DTWD2: variants seen among roughly 807,000 people sequenced by gnomAD.
DTWD2 encodes the protein DTW motif tRNA-uridine aminocarboxypropyltransferase 2.
Under a neutral mutation model 31.8 loss-of-function variants are expected in DTWD2, and 39 were observed. That is an observed-to-expected ratio of 1.22 (90% confidence interval 0.95 to 1.60). DTWD2 has a LOEUF of 1.60. Among genes scored for constraint, DTWD2 ranks in the 40% most tolerant of loss-of-function variants. The pLI is 0.00. For missense variants in DTWD2, 515 were observed against 381.5 expected, an observed-to-expected ratio of 1.35 and a Z score of -2.92; for synonymous variants, 180 against 142.8, an observed-to-expected ratio of 1.26 and a Z score of -1.86.
At chr5:118,853,069 G>T (rs1752047914) in intron 4 of DTWD2, among the ~76,000 whole-genome samples, 1 of 152,134 alleles carries the variant, frequency 6.6e-6, no homozygotes, top group South Asian at 2.1e-4. Context: ...AGAGAGAGGA[G>T]AGAGGAAGTG....
At chr5:118,872,506 A>G (rs1752528166) in intron 4 of DTWD2, among the ~76,000 whole-genome samples, 1 of 152,210 alleles carries the variant, frequency 6.6e-6, no homozygotes, top group African/African-American at 2.4e-5. Flanking sequence ...AAATTGTTGT[A>G]TCTCAGAAAA....
intron 4 of DTWD2, among the ~76,000 whole-genome samples, chr5:118,907,223 C>T (rs1753352792): frequency 1.3e-5 from 2 of 152,222 alleles, no homozygotes; most frequent in African/African-American, 4.8e-5. Context: ...CATTAACTAG[C>T]TGACCCTAAT....
chr5:118,939,308 A>G lies in DTWD2; in HGVS notation c.310-18T>C. On this transcript the variant is annotated intron_variant, in intron 2 of 5. Coordinates refer to ENST00000510708, the MANE Select transcript of DTWD2 (RefSeq NM_173666.4). ...TTGTTTTCCTTTAATTAAAAAATGA[A>G]TTGAAACATAGATTTTTACTTAGAT... The G allele has an allele frequency of 4.5e-6, 7 of 1,543,152 alleles. No individual in the cohort carries two copies. Among genetic ancestry groups the G allele is most frequent in the Non-Finnish European group, 6.1e-6 (7 of 1,143,816 alleles).
chr5:118,924,609 T>C (rs1484680331), intron 4 of DTWD2, among the ~76,000 whole-genome samples: 1 of 152,200 alleles, frequency 6.6e-6, no homozygotes, highest in East Asian at 1.9e-4. Flanking sequence ...ATACTAAAAA[T>C]GTGAACAGGC....
chr5:118,944,598 A>T lies in DTWD2; in HGVS notation c.270T>A (p.His90Gln). The T allele has an allele frequency of 6.2e-7, 1 of 1,613,664 alleles. No individual in the cohort carries two copies. The highest frequency in any genetic ancestry group is 2.2e-5 in the East Asian group (1 of 44,792). The change falls in exon 2 of 6, where the codon CAT (histidine) becomes CAA (glutamine). Residue 90 changes from histidine to glutamine, a missense_variant. By Grantham distance (24) the His-to-Gln change is conservative (BLOSUM62 0). Coordinates refer to ENST00000510708, the MANE Select transcript of DTWD2 (RefSeq NM_173666.4). Reference sequence around the variant, plus strand: ...GAATTATGTACAAGTGGGTAGAGATATGCAGAGGGTGCGCTGGGAGAAATG... The same window carrying T: ...GAATTATGTACAAGTGGGTAGAGATTTGCAGAGGGTGCGCTGGGAGAAATG... ...LCPFLPAHPLHISTHLYIIQH... is the reference protein window; with the variant it reads ...LCPFLPAHPLQISTHLYIIQH...
intron 2 of DTWD2, among the ~76,000 whole-genome samples, chr5:118,940,564 G>A (rs1218204374): frequency 1.3e-5 from 2 of 151,840 alleles, no homozygotes; most frequent in Non-Finnish European, 2.9e-5. Context: ...TTGATTTATC[G>A]ATTTTAGATA....
chr5:118,907,348 G>C (rs767935), intron 4 of DTWD2, among the ~76,000 whole-genome samples: 4 of 151,814 alleles, frequency 2.6e-5, no homozygotes, highest in African/African-American at 7.3e-5. Flanking sequence ...GATATATATA[G>C]AGAGAGAGAG....
At chr5:118,893,496 T>C (rs1561444806) in intron 4 of DTWD2, among the ~76,000 whole-genome samples, 1 of 151,594 alleles carries the variant, frequency 6.6e-6, no homozygotes. Context: ...CCATAGAGGA[T>C]ATGTGGAAAT....
Position 118,955,204 on chromosome 5 carries a change from T to C in DTWD2, c.219-10555A>G, listed in dbSNP as rs117370532. 1.6e-4 allele frequency among the ~76,000 whole-genome samples: 24 copies of C among 152,362 alleles called. No individual in the cohort carries two copies. The East Asian group carries it at 4.4e-3, about 28-fold the overall frequency. ...TTTCTATTTACTTTAAAGCATATTC[T>C]CTTTATTAACCTAATTTTACTTATA... On this transcript the variant is annotated intron_variant, in intron 1 of 5. Coordinates refer to ENST00000510708, the MANE Select transcript of DTWD2 (RefSeq NM_173666.4).
chr5:118,933,125 G>A (rs918283323), intron 3 of DTWD2, among the ~76,000 whole-genome samples: 3 of 151,972 alleles, frequency 2.0e-5, no homozygotes, highest in Non-Finnish European at 4.4e-5. Context: ...GGAGAAATAC[G>A]AAAACTGAAA....
intron 1 of DTWD2, among the ~76,000 whole-genome samples, chr5:118,965,975 GAA>G (rs955663912): frequency 7.0e-6 from 1 of 142,288 alleles, no homozygotes; most frequent in Non-Finnish European, 1.5e-5. Flanking sequence ...AAAAGAAAAA[GAA>G]AAAAAAAAAG....
intron 4 of DTWD2, among the ~76,000 whole-genome samples, chr5:118,909,725 G>A (rs908631991): frequency 2.0e-5 from 3 of 152,162 alleles, no homozygotes; most frequent in African/African-American, 7.2e-5. Flanking sequence ...CAGCTACCAA[G>A]GACCTCCCAC....
intron 1 of DTWD2, among the ~76,000 whole-genome samples, chr5:118,954,774 G>C (rs1754548205): frequency 6.6e-6 from 1 of 152,034 alleles, no homozygotes. Flanking sequence ...ACCTGCTTCG[G>C]CCTCCCAAAG....
At chr5:118,889,601 G>C (rs1195744416) in intron 4 of DTWD2, among the ~76,000 whole-genome samples, 1 of 152,114 alleles carries the variant, frequency 6.6e-6, no homozygotes, top group Non-Finnish European at 1.5e-5. Context: ...TATATAGGTT[G>C]TCTCTAAGAA....
intron 1 of DTWD2, among the ~76,000 whole-genome samples, chr5:118,958,576 C>A (rs530313528): frequency 2.4e-5 from 3 of 126,476 alleles, no homozygotes; most frequent in African/African-American, 8.9e-5. Flanking sequence ...ACCAACCCCA[C>A]AGAAAGACAA....
chr5:118,938,400 G>C (rs555338614), intron 3 of DTWD2, among the ~76,000 whole-genome samples: 2 of 152,150 alleles, frequency 1.3e-5, no homozygotes, highest in South Asian at 4.1e-4. Flanking sequence ...ATATACTAGA[G>C]GCAAAAATTT....
chr5:118,949,992 C>T (rs1754424389), intron 1 of DTWD2, among the ~76,000 whole-genome samples: 2 of 152,032 alleles, frequency 1.3e-5, no homozygotes. Flanking sequence ...GGGCAGATCA[C>T]GAGGTCAGGA....
At chr5:118,926,307 C>A (rs1347227798) in intron 4 of DTWD2, among the ~76,000 whole-genome samples, 1 of 152,096 alleles carries the variant, frequency 6.6e-6, no homozygotes, top group African/African-American at 2.4e-5. Flanking sequence ...GAATGGAAAA[C>A]CAAATTCCGT....
At chr5:118,910,317 C>A (rs1396462605) in intron 4 of DTWD2, among the ~76,000 whole-genome samples, 1 of 152,194 alleles carries the variant, frequency 6.6e-6, no homozygotes, top group African/African-American at 2.4e-5. Context: ...CTCAGTAGTA[C>A]TGCCTTCCAC....
Sources: gnomAD v4.1 joint callset for allele counts (sites outside exome capture counted in the v4.1 genomes callset) on GRCh38, gnomAD v4.1.1 for gene constraint, MANE v1.5 for transcripts, NCBI Gene and HGNC (gene_info 2026-07-23, HGNC 2026-07-21) for gene names.